Variants in OBSL1 observed in about 807,000 individuals in gnomAD.
OBSL1 encodes the protein obscurin like cytoskeletal adaptor 1.
Under a neutral mutation model 172.0 loss-of-function variants are expected in OBSL1, and 160 were observed. The observed-to-expected ratio is 0.93, with a 90% CI of 0.82 to 1.06. The LOEUF (loss-of-function observed/expected upper bound fraction) is 1.06. Ranked by LOEUF, OBSL1 falls within the 50% of genes least tolerant of loss-of-function variation. The pLI is 0.00. For missense variants in OBSL1, 2,681 were observed against 2,715.4 expected, an observed-to-expected ratio of 0.99 and a Z score of 0.28; for synonymous variants, 1,200 against 1,196.3, an observed-to-expected ratio of 1.00 and a Z score of -0.06.
At chr2:219,566,200 C>G (rs923965457) in intron 5 of OBSL1, among the ~76,000 whole-genome samples, 2 of 152,174 alleles carry the variant, frequency 1.3e-5, no homozygotes, top group African/African-American at 4.8e-5. Context: ...GCCAACATGG[C>G]GAAGCCCCAT....
In OBSL1 at chr2:219,556,139, G is replaced by A; in HGVS notation, c.4490C>T (p.Ser1497Phe). Residue 1497 changes from serine to phenylalanine, a missense_variant, in exon 14 of 21, where the codon TCC (serine) becomes TTC (phenylalanine). Physicochemically the swap from Ser to Phe is radical, Grantham distance 155. This residue lies in a region of OBSL1 where 1,765 missense variants were observed against 1,748.3 expected (regional missense o/e 1.01). Transcript: ENST00000404537. The stretch of plus-strand genomic sequence containing the variant: ...GTGGATGTGCCCATCCTGGGCCATG[G>A]ACAGGCGAGAGTCGTGGGGCAGGGG... ...GQPLPHDSRL[S>F]MAQDGHIHRL... 7 of 1,613,910 alleles carry A rather than the reference G, an allele frequency of 4.3e-6. No individual in the cohort carries two copies. Among genetic ancestry groups the A allele is most frequent in the Non-Finnish European group, 5.1e-6 (6 of 1,179,868 alleles).
rs866958379 is a variant in OBSL1 at position 219,557,366 on chromosome 2, C to T, written c.4043G>A (p.Arg1348His). 2.2e-5 allele frequency: 34 copies of T among 1,511,730 alleles called. No individual in the cohort carries two copies. Among genetic ancestry groups the T allele is most frequent in the Admixed American group, 4.1e-5 (2 of 48,884 alleles). 93.6% of individuals were successfully genotyped at this position (1,511,730 alleles called of 1,614,324 possible). A position where few individuals can be genotyped will look rare whatever the true frequency, so the allele number is the denominator to read the frequency against. ...ACCTTCCACGCTGACAAGGAAGATG[C>T]GGCTGTCCTGGGGCGCATCGCACAG... The part of the protein sequence containing the change: ...EYLCDAPQDS[R>H]IFLVSVEEPL... Residue 1348 changes from arginine to histidine, a missense_variant, in exon 12 of 21, where the codon CGC becomes CAC. Transcript: ENST00000404537.
At chr2:219,549,118 C>A, downstream of OBSL1, 2 of 1,612,158 alleles carry the variant, frequency 1.2e-6, no homozygotes, top group South Asian at 1.1e-5. Context: ...GGCGCACCGT[C>A]CTCTGAGCTC....
chr2:219,567,668 G>C, intron 3 of OBSL1, 50 bp downstream of exon 3: 1 of 1,591,816 alleles, frequency 6.3e-7, no homozygotes, highest in Non-Finnish European at 8.6e-7. Flanking sequence ...TCCGGCATCT[G>C]GCCAACCTCC....
chr2:219,565,429 G>C lies in OBSL1; in HGVS notation c.2220C>G (p.Leu740=). The C allele has an allele frequency of 1.9e-6, 3 of 1,613,840 alleles. No homozygotes were observed. Among genetic ancestry groups the C allele is most frequent in the Non-Finnish European group, 2.5e-6 (3 of 1,179,894 alleles). ...AGGTTGCCGGGAAGTCCACCCTTGA[G>C]AGCTCACAAGTCAGCACCACCCGCT... is the stretch of plus-strand genomic sequence containing the variant. ...TSERVVLTCE[L]SRVDFPATWY... is the part of the protein sequence containing the mutation. The change falls in exon 6 of 21, where the codon CTC becomes CTG. Residue 740 remains leucine, a synonymous_variant. Coordinates refer to ENST00000404537, the MANE Select transcript of OBSL1 (RefSeq NM_015311.3).
chr2:219,567,445 C>T lies in OBSL1; in HGVS notation c.1665G>A (p.Arg555=). ...TCCAGTCTTCAGAGCCCACTTCCTG[C>T]CGCTCCAGCCGGTAGATGAATGGGG... ...PETPFIYRLE[R]QEVGSEDWIQ... Residue 555 remains arginine, a synonymous_variant, in exon 4 of 21, where the codon CGG becomes CGA. Coordinates refer to ENST00000404537, the MANE Select transcript of OBSL1 (RefSeq NM_015311.3). 1 of 1,613,298 alleles carries T rather than the reference C, an allele frequency of 6.2e-7. No individual in the cohort carries two copies. The highest frequency in any genetic ancestry group is 8.5e-7 in the Non-Finnish European group (1 of 1,179,662).
Position 219,570,986 on chromosome 2 carries a change from C to A in OBSL1, c.247G>T (p.Val83Leu). Reference protein sequence around the residue: ...AALPTDAGVYVCRARNAAGEA... With the variant: ...AALPTDAGVYLCRARNAAGEA... ...CCGGCCGCGTTGCGGGCGCGGCACA[C>A]GTAGACCCCCGCGTCGGTGGGCAGT... Residue 83 changes from valine to leucine, a missense_variant, in exon 1 of 21, where the codon GTG (valine) becomes TTG (leucine). By Grantham distance (32) the Val-to-Leu change is conservative. Transcript: ENST00000404537. The A allele has an allele frequency of 7.3e-7, 1 of 1,367,794 alleles. No individual in the cohort carries two copies. Among genetic ancestry groups the A allele is most frequent in the Non-Finnish European group, 9.4e-7 (1 of 1,062,248 alleles). The allele number at this position is 1,367,794 out of a possible 1,614,324, so 84.7% of individuals were successfully genotyped here.
At position 219,569,434 on chromosome 2, in the gene OBSL1, G is replaced by A. The variant is rs77035083; in HGVS notation, c.1012+787C>T. ...TTGTGATGAAATCCTATTATGGGGA[G>A]CGTTACCTTCTGGTGAGTTTGGGGT... is the stretch of plus-strand genomic sequence containing the variant. On this transcript the variant is annotated intron_variant, in intron 1 of 20. Transcript: ENST00000404537. 1,133 of 152,314 alleles carry A rather than the reference G, an allele frequency of 7.4e-3. 14 individuals carry two copies. Among genetic ancestry groups the A allele is most frequent in the African/African-American group, 0.025 (1,039 of 41,550 alleles). 9.4% of individuals were successfully genotyped at this position (152,314 alleles called of 1,614,324 possible).
chr2:219,556,947 G>T lies in OBSL1; in HGVS notation c.4067-224C>A, dbSNP rs938647376. On this transcript the variant is annotated intron_variant, in intron 12 of 20. Coordinates refer to ENST00000404537, the MANE Select transcript of OBSL1 (RefSeq NM_015311.3). Reference sequence around the variant, plus strand: ...CCTAGCCTAGCACCCCACCTTGGTGGCACCCTAATAATATCAATTACCAGG... The same window carrying T: ...CCTAGCCTAGCACCCCACCTTGGTGTCACCCTAATAATATCAATTACCAGG... 7.4e-6 allele frequency: 4 copies of T among 539,182 alleles called. No homozygotes were observed. The East Asian group carries it at 1.2e-4, about 16-fold the overall frequency. 33.4% of individuals were successfully genotyped at this position (539,182 alleles called of 1,614,324 possible).
chr2:219,563,511 T>C lies in OBSL1; in HGVS notation c.2524A>G (p.Lys842Glu). The change falls in exon 7 of 21, where the codon AAG becomes GAG. Residue 842 changes from lysine to glutamate, a missense_variant. Transcript: ENST00000404537. ...DREDAPVRWYKDGQEVEESDF... is the reference protein window; with the variant it reads ...DREDAPVRWYEDGQEVEESDF... Reference sequence around the variant, plus strand: ...CTCTCCTCCACCTCCTGCCCGTCCTTGTACCAACGCACAGGGGCGTCCTCT... The same window carrying C: ...CTCTCCTCCACCTCCTGCCCGTCCTCGTACCAACGCACAGGGGCGTCCTCT... 1 of 1,613,810 alleles carries C rather than the reference T, an allele frequency of 6.2e-7. No individual in the cohort carries two copies. The highest frequency in any genetic ancestry group is 8.5e-7 in the Non-Finnish European group (1 of 1,179,872).
In OBSL1 at chr2:219,558,272, CAG is replaced by C; in HGVS notation, c.3412_3413del (p.Leu1138AspfsTer8). 1 of 1,611,092 alleles carries C rather than the reference CAG, an allele frequency of 6.2e-7. No homozygotes were observed. The highest frequency in any genetic ancestry group is 8.5e-7 in the Non-Finnish European group (1 of 1,178,806). Reference sequence around the variant, plus strand: ...CCTCAGGCTGGGCGTGGGGCAGGGTCAGGGTGCGGGTGGGCCCCTCGGCACCC... The same window carrying C: ...CCTCAGGCTGGGCGTGGGGCAGGGTCGGTGCGGGTGGGCCCCTCGGCACCC... ...QLGAEGPTRT[L>X]TLPHAQPEDA... On this transcript the variant is annotated frameshift_variant, in exon 10 of 21. Coordinates refer to ENST00000404537, the MANE Select transcript of OBSL1 (RefSeq NM_015311.3). LOFTEE classifies it high-confidence loss of function.
At chr2:219,556,362 T>C in intron 13 of OBSL1, 70 bp from the exon 14 acceptor site, 1 of 1,578,238 alleles carries the variant, frequency 6.3e-7, no homozygotes, top group Non-Finnish European at 8.6e-7. Context: ...ATCCCACTGG[T>C]CTGTCCCTAG....
intron 14 of OBSL1, chr2:219,555,402 A>G (rs138914463): frequency 3.4e-4 from 52 of 154,750 alleles, no homozygotes; most frequent in Non-Finnish European, 5.6e-4. Flanking sequence ...GGTTCAAGCA[A>G]TCCTTCTGCC....
rs756307831 is a variant in OBSL1 at position 219,570,275 on chromosome 2, C to T, written c.958G>A (p.Ala320Thr). 2 of 1,603,126 alleles carry T rather than the reference C, an allele frequency of 1.2e-6. No individual in the cohort carries two copies. The highest frequency in any genetic ancestry group is 1.3e-5 in the African/African-American group (1 of 74,648). Residue 320 changes from alanine (A) to threonine (T), a missense_variant, in exon 1 of 21, where the codon GCC becomes ACC. Coordinates refer to ENST00000404537, the MANE Select transcript of OBSL1 (RefSeq NM_015311.3). ...QAKDRGLYVC[A>T]ARNSAGQTLS... is the part of the protein sequence containing the mutation. ...GTCTGGCCCGCCGAGTTGCGCGCGG[C>T]GCAGACGTAGAGCCCACGATCCTTG...
At position 219,554,521 on chromosome 2, in the gene OBSL1, G is replaced by A; in HGVS notation, c.4829C>T (p.Ser1610Phe). The change falls in exon 15 of 21, where the codon TCC becomes TTC. Residue 1610 changes from serine (S) to phenylalanine (F), a missense_variant. This residue lies in a region of OBSL1 where 1,765 missense variants were observed against 1,748.3 expected (regional missense o/e 1.01). Coordinates refer to ENST00000404537, the MANE Select transcript of OBSL1 (RefSeq NM_015311.3). ...GLGLADSGCV[S>F]FTADSLRCAA... The stretch of plus-strand genomic sequence containing the variant: ...GCAGCGCAGGGAATCCGCTGTGAAG[G>A]AGACACAGCCTGAGTCGGCCAGGCC... 1.2e-6 allele frequency: 2 copies of A among 1,613,444 alleles called. No homozygotes were observed. Among genetic ancestry groups the A allele is most frequent in the Non-Finnish European group, 1.7e-6 (2 of 1,179,882 alleles).
chr2:219,563,672 A>G (rs752056193), intron 6 of OBSL1, 45 bp from the exon 7 acceptor site: 39 of 1,580,968 alleles, frequency 2.5e-5, no homozygotes, highest in Admixed American at 5.1e-5. Flanking sequence ...CCCCCGCACA[A>G]TGAGTCCAAA....
chr2:219,571,281 GGTGCGGA>G lies in OBSL1; in HGVS notation c.-56_-50del. On this transcript the variant is annotated 5_prime_UTR_variant, in exon 1 of 21. Coordinates refer to ENST00000404537, the MANE Select transcript of OBSL1 (RefSeq NM_015311.3). ...GGCGAACGGTGGGGGGGCAGGGGGGGGTGCGGAGGGCGAGCCGAGGCCCGGGGCGGCG... is the reference window on the plus strand; with the variant it reads ...GGCGAACGGTGGGGGGGCAGGGGGGGGGGCGAGCCGAGGCCCGGGGCGGCG... 1 of 1,045,314 alleles carries G rather than the reference GGTGCGGA, an allele frequency of 9.6e-7. No homozygotes were observed. The highest frequency in any genetic ancestry group is 1.2e-6 in the Non-Finnish European group (1 of 814,426). The allele number at this position is 1,045,314 out of a possible 1,614,324, so 64.8% of individuals were successfully genotyped here. A position where few individuals can be genotyped will look rare whatever the true frequency, so the allele number is the denominator to read the frequency against.
Position 219,568,208 on chromosome 2 carries a change from C to CCTCA in OBSL1, c.1125_1128dup (p.Asp377Ter). The CCTCA allele has an allele frequency of 6.2e-7, 1 of 1,613,660 alleles. No homozygotes were observed. Among genetic ancestry groups the CCTCA allele is most frequent in the South Asian group, 1.1e-5 (1 of 91,076 alleles). ...TTGCGGCAGGGCAGCAGCCGCTGGT[C>CCTCA]CTCACGGAACCAGGCCGTGGGGATG... On this transcript the variant is annotated stop_gained and frameshift_variant, in exon 2 of 21. Transcript: ENST00000404537. LOFTEE classifies it high-confidence loss of function. This position sits in a 1 kb window ranked among gnomAD's most constrained non-coding sequence, Gnocchi z 4.1.
rs776415153 is a variant in OBSL1 at position 219,552,552 on chromosome 2, G to C, written c.5292C>G (p.Val1764=). ...GGRPLRPGAR[V]RIRQEGKKHI... ...CGGGCAGACCTTCCTGTCGGATGCG[G>C]ACGCGGGCTCCGGGTCTCAGCGGGC... is the stretch of plus-strand genomic sequence containing the variant. Residue 1764 remains valine, a synonymous_variant, in exon 18 of 21, where the codon GTC becomes GTG. Coordinates refer to ENST00000404537, the MANE Select transcript of OBSL1 (RefSeq NM_015311.3). 8 of 1,596,716 alleles carry C rather than the reference G, an allele frequency of 5.0e-6. No individual in the cohort carries two copies. In the East Asian group the frequency reaches 1.6e-4, roughly 31 times the overall value.
Sources: gnomAD v4.1 joint callset for allele counts (sites outside exome capture counted in the v4.1 genomes callset) on GRCh38, gnomAD v4.1.1 for gene constraint, gnomAD v4.1.1 regional missense constraint, Gnocchi (gnomAD v3.1) non-coding constraint, MANE v1.5 for transcripts, NCBI Gene and HGNC (gene_info 2026-07-23, HGNC 2026-07-21) for gene names.